THSD7A: variants seen among roughly 807,000 people sequenced by gnomAD.
The protein encoded by THSD7A is thrombospondin type-1 domain-containing protein 7A.
In THSD7A, 96 loss-of-function variants were observed where a neutral mutation model predicts 231.3. That is an observed-to-expected ratio of 0.41 (90% CI 0.35 to 0.49). The LOEUF is 0.49. THSD7A is among the 20% of genes least tolerant of loss of function. The pLI is 0.05. For missense variants in THSD7A, 2,290 were observed against 2,070.2 expected (o/e 1.11, Z -2.06); for synonymous variants, 940 against 743.3 (o/e 1.26, Z -4.30).
At chr7:11,495,777 T>C (rs992080845) in intron 6 of THSD7A, among the ~76,000 whole-genome samples, 1 of 152,126 alleles carries the variant, frequency 6.6e-6, no homozygotes, top group Non-Finnish European at 1.5e-5. Context: ...GCTGAGACTT[T>C]TGAAGTCTTT....
intron 1 of THSD7A, among the ~76,000 whole-genome samples, chr7:11,698,132 TTGAA>T (rs1224251407): frequency 2.9e-4 from 44 of 151,504 alleles, no homozygotes; most frequent in African/African-American, 9.9e-4. Flanking sequence ...TGGCAATTTG[TTGAA>T]TGTATGTATG....
chr7:11,723,682 G>C (rs565471687), intron 1 of THSD7A, among the ~76,000 whole-genome samples: 1 of 151,750 alleles, frequency 6.6e-6, no homozygotes, highest in Non-Finnish European at 1.5e-5. Context: ...AGGAGATCAG[G>C]AGGCTAGCCA....
intron 17 of THSD7A, among the ~76,000 whole-genome samples, chr7:11,416,617 G>T (rs1415024837): frequency 1.3e-5 from 2 of 152,058 alleles, no homozygotes; most frequent in Non-Finnish European, 2.9e-5. Flanking sequence ...ATTTCTCCTT[G>T]GAAAATATGC....
intron 1 of THSD7A, among the ~76,000 whole-genome samples, chr7:11,776,791 T>C (rs1424928763): frequency 6.6e-6 from 1 of 152,202 alleles, no homozygotes; most frequent in Non-Finnish European, 1.5e-5. Context: ...ATGAAAAACC[T>C]AACATTGAAG....
At chr7:11,539,927 G>T (rs1263993738) in intron 6 of THSD7A, among the ~76,000 whole-genome samples, 1 of 152,136 alleles carries the variant, frequency 6.6e-6, no homozygotes, top group Non-Finnish European at 1.5e-5. Flanking sequence ...TGAGAAAAAC[G>T]ATCAAGTACT....
intron 2 of THSD7A, among the ~76,000 whole-genome samples, chr7:11,622,104 G>A (rs1008555124): frequency 6.6e-6 from 1 of 151,978 alleles, no homozygotes; most frequent in Non-Finnish European, 1.5e-5. Context: ...AAAGTAAAAT[G>A]TATATATTTA....
At chr7:11,594,179 A>G (rs989599196) in intron 2 of THSD7A, among the ~76,000 whole-genome samples, 5 of 152,154 alleles carry the variant, frequency 3.3e-5, no homozygotes, top group African/African-American at 1.2e-4. Context: ...TCAGACTCCA[A>G]GTTCTTCAGT....
chr7:11,740,773 G>C (rs997924186), intron 1 of THSD7A, among the ~76,000 whole-genome samples: 2 of 151,858 alleles, frequency 1.3e-5, no homozygotes, highest in Non-Finnish European at 2.9e-5. Flanking sequence ...AGTATATTGT[G>C]TGTGCATTTG....
intron 23 of THSD7A, among the ~76,000 whole-genome samples, chr7:11,382,904 A>G (rs954854507): frequency 2.7e-5 from 4 of 149,450 alleles, no homozygotes; most frequent in East Asian, 3.9e-4. Flanking sequence ...GGTATAGAGA[A>G]TAACTGTATA....
intron 1 of THSD7A, among the ~76,000 whole-genome samples, chr7:11,716,396 A>T (rs546053634): frequency 3.1e-4 from 47 of 151,718 alleles, no homozygotes; most frequent in African/African-American, 1.1e-3. Context: ...ATTCAAGGAC[A>T]ATGATGGGAA....
chr7:11,746,668 A>G (rs895001189), intron 1 of THSD7A, among the ~76,000 whole-genome samples: 1 of 151,816 alleles, frequency 6.6e-6, no homozygotes, highest in African/African-American at 2.4e-5. Context: ...AGTATATTAG[A>G]TTAACATGAC....
chr7:11,721,065 T>A (rs972669827), intron 1 of THSD7A, among the ~76,000 whole-genome samples: 14 of 151,844 alleles, frequency 9.2e-5, no homozygotes, highest in Non-Finnish European at 1.6e-4. Flanking sequence ...TCTGATTTAA[T>A]CTCTAATTTG....
At chr7:11,733,389 T>C (rs1770036607) in intron 1 of THSD7A, among the ~76,000 whole-genome samples, 1 of 151,916 alleles carries the variant, frequency 6.6e-6, no homozygotes. Flanking sequence ...ACATTTAATG[T>C]TAAAAATCCA....
At chr7:11,449,669 T>C (rs542785862) in intron 11 of THSD7A, among the ~76,000 whole-genome samples, 2 of 152,110 alleles carry the variant, frequency 1.3e-5, no homozygotes, top group African/African-American at 2.4e-5. Flanking sequence ...TGTAACACAG[T>C]GTAGGAGAAA....
intron 4 of THSD7A, among the ~76,000 whole-genome samples, chr7:11,548,044 C>A (rs1416793710): frequency 6.6e-6 from 1 of 151,980 alleles, no homozygotes; most frequent in African/African-American, 2.4e-5. Context: ...GTAATAAAAA[C>A]CCACAAGCAA....
At chr7:11,485,974 C>A (rs1786640077) in intron 6 of THSD7A, among the ~76,000 whole-genome samples, 1 of 152,114 alleles carries the variant, frequency 6.6e-6, no homozygotes, top group Non-Finnish European at 1.5e-5. Context: ...TAATTGGAAC[C>A]CTTAGGAGCT....
intron 2 of THSD7A, among the ~76,000 whole-genome samples, chr7:11,613,002 TCATTATCCCATAGGA>T (rs1334213519): frequency 6.6e-6 from 1 of 152,210 alleles, no homozygotes; most frequent in Non-Finnish European, 1.5e-5. Flanking sequence ...TTTGTTTATG[TCATTATCCCATAGGA>T]CATCTATATA....
intron 1 of THSD7A, among the ~76,000 whole-genome samples, chr7:11,805,852 CAT>C (rs2128182836): frequency 1.3e-5 from 2 of 151,962 alleles, no homozygotes; most frequent in South Asian, 4.1e-4. Context: ...ATTTTATATA[CAT>C]ATATATGTCT....
chr7:11,798,434 G>A (rs188106845), intron 1 of THSD7A, among the ~76,000 whole-genome samples: 3 of 151,188 alleles, frequency 2.0e-5, no homozygotes, highest in South Asian at 2.1e-4. Context: ...TTACATCATC[G>A]CACTCTAGCC....
Sources: allele counts gnomAD v4.1 joint callset (sites outside exome capture counted in the v4.1 genomes callset), GRCh38; gene constraint gnomAD v4.1.1; transcripts MANE v1.5; gene names NCBI Gene and HGNC (gene_info 2026-07-23, HGNC 2026-07-21).